Variants in NRXN3 observed in about 807,000 individuals in gnomAD.
The protein encoded by NRXN3 is neurexin 3.
In NRXN3, 32 loss-of-function variants were observed where a neutral mutation model predicts 137.6. The ratio of observed to expected loss-of-function variants is 0.23; its 90% CI spans 0.18 to 0.31. The LOEUF (loss-of-function observed/expected upper bound fraction) is 0.31. Ranked by LOEUF, NRXN3 falls within the 10% of genes least tolerant of loss-of-function variation. The pLI is 1.00. For synonymous variants in NRXN3, 798 were observed against 784.5 expected (o/e 1.02, Z -0.29); for missense variants, 1,574 against 2,062.5 (o/e 0.76, Z 4.59).
chr14:78,197,079 C>T (rs1482925114), intron 1 of NRXN3, among the ~76,000 whole-genome samples: 1 of 152,198 alleles, frequency 6.6e-6, no homozygotes, highest in Non-Finnish European at 1.5e-5. Flanking sequence ...CAAACTGGAG[C>T]TGCGGAAGTG....
intron 15 of NRXN3, among the ~76,000 whole-genome samples, chr14:79,304,711 G>A (rs972864090): frequency 6.6e-6 from 1 of 152,196 alleles, no homozygotes; most frequent in Non-Finnish European, 1.5e-5. Context: ...CTCAAGTTAA[G>A]TTCTGCTGAT....
chr14:79,317,947 A>G (rs1039169514), intron 15 of NRXN3, among the ~76,000 whole-genome samples: 5 of 152,178 alleles, frequency 3.3e-5, no homozygotes, highest in African/African-American at 1.2e-4. Flanking sequence ...TTTCAAACCA[A>G]TGTAAGAGCA....
intron 8 of NRXN3, among the ~76,000 whole-genome samples, chr14:78,789,720 C>T (rs1376403712): frequency 6.6e-6 from 1 of 152,170 alleles, no homozygotes; most frequent in Non-Finnish European, 1.5e-5. Context: ...TCATTTCATG[C>T]ACTTGTGAAA....
At chr14:78,685,463 C>G (rs892694909) in intron 6 of NRXN3, among the ~76,000 whole-genome samples, 1 of 152,008 alleles carries the variant, frequency 6.6e-6, no homozygotes, top group Non-Finnish European at 1.5e-5. Context: ...CCTCCTCATT[C>G]ACCCTGATGC....
At chr14:78,747,259 A>T (rs751252283) in intron 8 of NRXN3, among the ~76,000 whole-genome samples, 11 of 152,178 alleles carry the variant, frequency 7.2e-5, no homozygotes, top group Non-Finnish European at 1.2e-4. Flanking sequence ...TAACCTCTCT[A>T]AGCCTCAGTT....
intron 15 of NRXN3, among the ~76,000 whole-genome samples, chr14:79,319,760 A>G (rs1382303185): frequency 6.6e-6 from 1 of 152,152 alleles, no homozygotes; most frequent in Non-Finnish European, 1.5e-5. Context: ...TCATGGCTTG[A>G]GTAAAGATCT....
At chr14:78,504,962 C>T (rs1427129344) in intron 4 of NRXN3, among the ~76,000 whole-genome samples, 1 of 152,086 alleles carries the variant, frequency 6.6e-6, no homozygotes, top group Non-Finnish European at 1.5e-5. Context: ...AGGACAAGGA[C>T]ACAATGAGGC....
intron 4 of NRXN3, among the ~76,000 whole-genome samples, chr14:78,560,866 T>C (rs1053520034): frequency 3.9e-5 from 6 of 152,240 alleles, no homozygotes; most frequent in African/African-American, 1.4e-4. Context: ...TGAAATAGAA[T>C]TGCTTTTAGG....
chr14:79,272,322 G>A (rs1421303312), intron 15 of NRXN3, among the ~76,000 whole-genome samples: 1 of 148,532 alleles, frequency 6.7e-6, no homozygotes, highest in African/African-American at 2.5e-5. Context: ...CCCATAGTAT[G>A]TATAAATTTA....
At chr14:78,359,270 C>G (rs1006181948) in intron 4 of NRXN3, among the ~76,000 whole-genome samples, 7 of 152,110 alleles carry the variant, frequency 4.6e-5, no homozygotes, top group African/African-American at 1.7e-4. Context: ...TCTCAGCCCC[C>G]CAGAGAGTCT....
At chr14:78,313,355 T>C (rs2078196054) in intron 4 of NRXN3, among the ~76,000 whole-genome samples, 1 of 152,216 alleles carries the variant, frequency 6.6e-6, no homozygotes, top group African/African-American at 2.4e-5. Flanking sequence ...TTACTGGCTT[T>C]TCTGTTGGTT....
intron 10 of NRXN3, among the ~76,000 whole-genome samples, chr14:78,952,950 C>A (rs77469500): frequency 1.3e-5 from 2 of 152,120 alleles, no homozygotes; most frequent in Non-Finnish European, 1.5e-5. Context: ...CTACCCCCTG[C>A]GTATGAGCAA....
chr14:78,383,129 ATCAG>A (rs1368613999), intron 4 of NRXN3, among the ~76,000 whole-genome samples: 2 of 152,164 alleles, frequency 1.3e-5, no homozygotes, highest in East Asian at 3.9e-4. Flanking sequence ...CTACAAGTGA[ATCAG>A]GGGCTGGGCT....
intron 19 of NRXN3, among the ~76,000 whole-genome samples, chr14:79,793,080 A>G: frequency 6.6e-6 from 1 of 152,144 alleles, no homozygotes; most frequent in East Asian, 1.9e-4. Context: ...GAGCCACACC[A>G]ATACAGGAAT....
intron 4 of NRXN3, among the ~76,000 whole-genome samples, chr14:78,511,477 C>CTGTA (rs1365492089): frequency 1.3e-5 from 2 of 152,188 alleles, no homozygotes; most frequent in African/African-American, 4.8e-5. Context: ...GGGAGTAAGG[C>CTGTA]TGTACTCCAC....
rs562631458 is a variant in NRXN3, at chr14:78,369,081, C to T, written c.757+71221C>T. Among the ~76,000 whole-genome samples, 24 of 152,186 alleles carry T rather than the reference C, an allele frequency of 1.6e-4. 1 individual carries two copies. In the South Asian group the frequency reaches 2.9e-3, roughly 18 times the overall value. ...TAGGTTCTTGGGTTTCTGGATTAATCGCTTAATATGGGCATCTAAATTTAT... is the reference window on the plus strand; with the variant it reads ...TAGGTTCTTGGGTTTCTGGATTAATTGCTTAATATGGGCATCTAAATTTAT... On this transcript the variant is annotated intron_variant, in intron 4 of 20. Coordinates refer to ENST00000335750, the MANE Select transcript of NRXN3 (RefSeq NM_001330195.2).
intron 6 of NRXN3, among the ~76,000 whole-genome samples, chr14:78,660,007 GCT>G (rs1236299713): frequency 2.0e-5 from 3 of 152,092 alleles, no homozygotes; most frequent in East Asian, 3.9e-4. Context: ...GAAACCCTCA[GCT>G]ACTGGGGACA....
At chr14:78,562,036 ACT>A (rs1486504968) in intron 4 of NRXN3, among the ~76,000 whole-genome samples, 3 of 151,956 alleles carry the variant, frequency 2.0e-5, no homozygotes, top group Admixed American at 2.0e-4. Context: ...TAAGAGGTAG[ACT>A]CTCTCTCTAC....
At chr14:78,527,130 T>C (rs1218678215) in intron 4 of NRXN3, among the ~76,000 whole-genome samples, 2 of 152,198 alleles carry the variant, frequency 1.3e-5, no homozygotes, top group Admixed American at 1.3e-4. Flanking sequence ...TTTACCCCTT[T>C]ATTTATCCTT....
Sources: gnomAD v4.1 joint callset for allele counts (sites outside exome capture counted in the v4.1 genomes callset) on GRCh38, gnomAD v4.1.1 for gene constraint, MANE v1.5 for transcripts, NCBI Gene and HGNC (gene_info 2026-07-23, HGNC 2026-07-21) for gene names.